Variants in AKNAD1 observed in about 807,000 individuals in gnomAD.
AKNAD1 encodes the protein protein AKNAD1.
A neutral mutation model predicts 90.8 loss-of-function variants in AKNAD1; 67 were observed. The observed-to-expected ratio is 0.74, with a 90% CI of 0.61 to 0.90. The LOEUF (loss-of-function observed/expected upper bound fraction) is 0.90, where lower values mean the gene tolerates loss of function less well. Among genes scored for constraint, AKNAD1 ranks in the 40% least tolerant of loss-of-function variants. AKNAD1 has a pLI of 0.00. For missense variants in AKNAD1, 957 were observed against 975.4 expected, an observed-to-expected ratio of 0.98 and a Z score of 0.25; for synonymous variants, 327 against 341.4, an observed-to-expected ratio of 0.96 and a Z score of 0.46.
At chr1:108,826,765 G>T (rs1310174680) in intron 11 of AKNAD1, among the ~76,000 whole-genome samples, 1 of 143,378 alleles carries the variant, frequency 7.0e-6, no homozygotes, top group Non-Finnish European at 1.5e-5. Context: ...TTTGAAACAG[G>T]GTCCTACTCT....
intron 13 of AKNAD1, among the ~76,000 whole-genome samples, chr1:108,822,766 G>A (rs1324874109): frequency 6.6e-6 from 1 of 152,094 alleles, no homozygotes; most frequent in African/African-American, 2.4e-5. Context: ...CTGTTCCCTT[G>A]GCACACTTTG....
At chr1:108,842,264 C>A (rs756457152) in intron 6 of AKNAD1, among the ~76,000 whole-genome samples, 1 of 152,006 alleles carries the variant, frequency 6.6e-6, no homozygotes. Context: ...GAAATGTAAA[C>A]CATTAAAAAA....
At chr1:108,826,365 T>C (rs1169153793) in intron 11 of AKNAD1, among the ~76,000 whole-genome samples, 2 of 151,704 alleles carry the variant, frequency 1.3e-5, no homozygotes, top group Non-Finnish European at 2.9e-5. Context: ...AGAAGCTGCC[T>C]GAGCAGAGGC....
At chr1:108,838,914 G>T (rs1488296926) in intron 6 of AKNAD1, among the ~76,000 whole-genome samples, 1 of 151,950 alleles carries the variant, frequency 6.6e-6, no homozygotes, top group Non-Finnish European at 1.5e-5. Flanking sequence ...CTCCATGAAA[G>T]GCATGAAGAG....
intron 10 of AKNAD1, among the ~76,000 whole-genome samples, chr1:108,829,600 C>T (rs1370728614): frequency 6.6e-6 from 1 of 152,154 alleles, no homozygotes; most frequent in Non-Finnish European, 1.5e-5. Flanking sequence ...TGACACATGA[C>T]CATTTTTAGC....
chr1:108,836,802 T>A (rs561470096), intron 7 of AKNAD1: 3 of 152,330 alleles, frequency 2.0e-5, no homozygotes, highest in African/African-American at 7.2e-5. Context: ...TAGTTGAGGC[T>A]ACAAAGGCAA....
chr1:108,827,156 G>A, intron 11 of AKNAD1, 49 bp downstream of exon 11: 1 of 1,419,118 alleles, frequency 7.0e-7, no homozygotes, highest in Non-Finnish European at 9.9e-7. Flanking sequence ...CAGACCCCAT[G>A]GGGAGGGACA....
At chr1:108,847,070 C>A (rs574790362) in intron 5 of AKNAD1, among the ~76,000 whole-genome samples, 1 of 152,238 alleles carries the variant, frequency 6.6e-6, no homozygotes, top group African/African-American at 2.4e-5. Context: ...GCCCTCCTGA[C>A]TTGTTACCTG....
chr1:108,850,572 C>A (rs1355794437), intron 2 of AKNAD1, among the ~76,000 whole-genome samples: 1 of 152,002 alleles, frequency 6.6e-6, no homozygotes, highest in Non-Finnish European at 1.5e-5. Context: ...GGGTTCTGCT[C>A]AAACTCCCCA....
At chr1:108,842,881 A>C (rs927472820) in intron 6 of AKNAD1, among the ~76,000 whole-genome samples, 2 of 152,136 alleles carry the variant, frequency 1.3e-5, no homozygotes, top group African/African-American at 2.4e-5. Context: ...TTTTGGTACA[A>C]TGCCTCTGCC....
intron 14 of AKNAD1, chr1:108,817,438 A>G (rs1663647445): frequency 3.5e-6 from 1 of 283,782 alleles, no homozygotes; most frequent in Non-Finnish European, 6.4e-6. Flanking sequence ...GCAAGACTCT[A>G]AACACATTTT....
At chr1:108,825,252 C>T (rs1004296606) in intron 11 of AKNAD1, among the ~76,000 whole-genome samples, 1 of 151,696 alleles carries the variant, frequency 6.6e-6, no homozygotes, top group Non-Finnish European at 1.5e-5. Flanking sequence ...AAATTCCTGA[C>T]CCACAGAAAC....
intron 10 of AKNAD1, among the ~76,000 whole-genome samples, chr1:108,830,254 G>A (rs1277222): frequency 0.66 from 100,380 of 152,026 alleles, 33,741 homozygotes; most frequent in East Asian, 0.79. Flanking sequence ...AATCACCTGG[G>A]GAGATTTAAA....
At chr1:108,843,499 T>C (rs1664615380) in intron 5 of AKNAD1, among the ~76,000 whole-genome samples, 1 of 152,234 alleles carries the variant, frequency 6.6e-6, no homozygotes, top group African/African-American at 2.4e-5. Flanking sequence ...GTACAATTAC[T>C]TCTGATTTCT....
At chr1:108,842,201 T>A (rs2101200454) in intron 6 of AKNAD1, among the ~76,000 whole-genome samples, 1 of 152,302 alleles carries the variant, frequency 6.6e-6, no homozygotes, top group Non-Finnish European at 1.5e-5. Context: ...CCATTAATTT[T>A]GGAAAAGTAA....
upstream of AKNAD1, chr1:108,857,225 GA>G (rs1665075930): frequency 6.6e-6 from 1 of 152,626 alleles, no homozygotes; most frequent in Non-Finnish European, 1.5e-5. Context: ...CCCAGGCTGT[GA>G]AAACACTTCA....
At position 108,826,736 on chromosome 1, in the gene AKNAD1, C is replaced by CTTTTTTTTTTTTTTTTT. The variant is rs1450499628; in HGVS notation, c.1936+468_1936+469insAAAAAAAAAAAAAAAAA. Among the ~76,000 whole-genome samples, 9 of 114,788 alleles carry CTTTTTTTTTTTTTTTTT rather than the reference C, an allele frequency of 7.8e-5. 1 individual carries two copies. Among genetic ancestry groups the CTTTTTTTTTTTTTTTTT allele is most frequent in the Non-Finnish European group, 1.2e-4 (7 of 56,386 alleles). 75.3% of individuals were successfully genotyped at this position (114,788 alleles called of 152,430 possible). On this transcript the variant is annotated intron_variant, in intron 11 of 15. Transcript: ENST00000370001. ...AGTGATTCTTTTTTTCTTTTCTTTT[C>CTTTTTTTTTTTTTTTTT]TTTTTCTTTTTTTTTTTTTTTGAAA... is the stretch of plus-strand genomic sequence containing the variant.
intron 5 of AKNAD1, among the ~76,000 whole-genome samples, chr1:108,847,207 G>A (rs1170652038): frequency 1.3e-5 from 2 of 152,092 alleles, no homozygotes; most frequent in Non-Finnish European, 2.9e-5. Context: ...AGCACTTTGG[G>A]AGACCGAGGC....
intron 10 of AKNAD1, among the ~76,000 whole-genome samples, chr1:108,828,167 C>A (rs147300732): frequency 6.6e-6 from 1 of 151,694 alleles, no homozygotes; most frequent in African/African-American, 2.4e-5. Flanking sequence ...TAATGGGTCA[C>A]GTAGCTTTGG....
Sources: gnomAD v4.1 joint callset for allele counts (sites outside exome capture counted in the v4.1 genomes callset) on GRCh38, gnomAD v4.1.1 for gene constraint, MANE v1.5 for transcripts, NCBI Gene and HGNC (gene_info 2026-07-23, HGNC 2026-07-21) for gene names.